The following LGALS3 variants were observed in gnomAD, a reference collection of about 807,000 sequenced individuals.
LGALS3 encodes the protein galectin 3.
In LGALS3, 18 loss-of-function variants were observed where a neutral mutation model predicts 20.7. The observed-to-expected ratio is 0.87, with a 90% CI of 0.60 to 1.29. The LOEUF is 1.29. Among genes scored for constraint, LGALS3 ranks in the 50% most tolerant of loss-of-function variants. LGALS3 has a pLI of 0.00. For missense variants in LGALS3, 315 were observed against 314.7 expected (o/e 1.00, Z -0.01); for synonymous variants, 112 against 119.6 (o/e 0.94, Z 0.42).
chr14:55,136,026 C>T (rs1881385804), intron 1 of LGALS3, among the ~76,000 whole-genome samples: 1 of 152,144 alleles, frequency 6.6e-6, no homozygotes, highest in Non-Finnish European at 1.5e-5. Flanking sequence ...CACAGGTGAT[C>T]CTGAGCTTAG....
intron 1 of LGALS3, among the ~76,000 whole-genome samples, chr14:55,133,088 A>G (rs1881278355): frequency 6.6e-6 from 1 of 152,190 alleles, no homozygotes; most frequent in Admixed American, 6.5e-5. Flanking sequence ...TTTGTTTACA[A>G]TTTCAGTATG....
Position 55,142,714 on chromosome 14 carries a change from T to A in LGALS3, c.562T>A (p.Ser188Thr). 6.2e-7 allele frequency: 1 copy of A among 1,613,808 alleles called. No individual in the cohort carries two copies. Among genetic ancestry groups the A allele is most frequent in the Non-Finnish European group, 8.5e-7 (1 of 1,179,740 alleles). ...DNNWGREERQ[S>T]VFPFESGKPF... ...TAACTGGGGAAGGGAAGAAAGACAGTCGGTTTTCCCATTTGAAAGTGGGAA... is the reference window on the plus strand; with the variant it reads ...TAACTGGGGAAGGGAAGAAAGACAGACGGTTTTCCCATTTGAAAGTGGGAA... The change falls in exon 5 of 6, where the codon TCG becomes ACG. Residue 188 changes from serine (S) to threonine (T), a missense_variant. Coordinates refer to ENST00000254301, the MANE Select transcript of LGALS3 (RefSeq NM_002306.4).
chr14:55,139,633 T>C (rs1266494542), intron 3 of LGALS3, among the ~76,000 whole-genome samples: 3 of 151,860 alleles, frequency 2.0e-5, no homozygotes, highest in Non-Finnish European at 2.9e-5. Context: ...TGAGACCTTG[T>C]CTCAAAAAAT....
intron 5 of LGALS3, chr14:55,143,437 T>TC: frequency 5.1e-6 from 2 of 391,266 alleles, no homozygotes; most frequent in Non-Finnish European, 1.0e-5. Context: ...TTTTTTTTTT[T>TC]TTCGAGACAG....
intron 1 of LGALS3, 44 bp from the exon 2 acceptor site, chr14:55,137,326 G>A: frequency 1.3e-6 from 2 of 1,571,500 alleles, no homozygotes; most frequent in Non-Finnish European, 1.8e-6. Context: ...AATGGAAATT[G>A]GTGAAAGCTT....
intron 1 of LGALS3, among the ~76,000 whole-genome samples, chr14:55,136,051 T>A (rs1479096209): frequency 2.6e-5 from 4 of 152,148 alleles, no homozygotes; most frequent in Non-Finnish European, 4.4e-5. Context: ...AACTCACCCA[T>A]GCCTCAGGGG....
chr14:55,138,152 T>C lies in LGALS3; in HGVS notation c.126T>C (p.Pro42=), dbSNP rs1881475557. ...GAGGYPGASY[P]GAYPGQAPPG... ...GGGGCTACCCAGGGGCTTCCTATCC[T>C]GGGGCCTACCCCGGGCAGGCACCCC... Residue 42 remains proline, a synonymous_variant, in exon 3 of 6, where the codon CCT becomes CCC. Coordinates refer to ENST00000254301, the MANE Select transcript of LGALS3 (RefSeq NM_002306.4). 1 of 1,597,356 alleles carries C rather than the reference T, an allele frequency of 6.3e-7. No homozygotes were observed. The highest frequency in any genetic ancestry group is 8.5e-7 in the Non-Finnish European group (1 of 1,173,954).
At chr14:55,141,983 A>C (rs1349272651) in intron 4 of LGALS3, among the ~76,000 whole-genome samples, 1 of 152,244 alleles carries the variant, frequency 6.6e-6, no homozygotes, top group Non-Finnish European at 1.5e-5. Context: ...CTAAACTAGC[A>C]ATTTCATTGG....
At chr14:55,142,838 T>G (rs918742950) in intron 5 of LGALS3, 89 bp downstream of exon 5, 24 of 1,032,348 alleles carry the variant, frequency 2.3e-5, no homozygotes, top group Non-Finnish European at 3.1e-5. Flanking sequence ...GTGAGAGTTT[T>G]TATCACCTCT....
intron 5 of LGALS3, among the ~76,000 whole-genome samples, chr14:55,144,135 C>T (rs908540579): frequency 2.6e-5 from 4 of 152,030 alleles, no homozygotes; most frequent in African/African-American, 4.8e-5. Context: ...TGTTTTAGAC[C>T]ATATCAGAAC....
chr14:55,130,826 G>C (rs896337543), intron 1 of LGALS3, among the ~76,000 whole-genome samples: 2 of 151,522 alleles, frequency 1.3e-5, no homozygotes, highest in East Asian at 1.9e-4. Context: ...CGCCTGCCTC[G>C]GCCTCCTAAA....
chr14:55,129,530 G>C lies in LGALS3; in HGVS notation c.-5+230G>C, dbSNP rs1026083647. Among the ~76,000 whole-genome samples the C allele has an allele frequency of 6.6e-6, 1 of 151,994 alleles. No homozygotes were observed. Among genetic ancestry groups the C allele is most frequent in the African/African-American group, 2.4e-5 (1 of 41,402 alleles). On this transcript the variant is annotated intron_variant, in intron 1 of 5. Coordinates refer to ENST00000254301, the MANE Select transcript of LGALS3 (RefSeq NM_002306.4). The surrounding 1 kb of genome is among the most constrained non-coding windows in gnomAD (Gnocchi z 5.3). ...TCGAGGGCGCTGGCGTTCGGGGAAG[G>C]TTGGCAGCACCTTACGAGACCCACA...
chr14:55,130,027 G>C (rs1881179845), intron 1 of LGALS3, among the ~76,000 whole-genome samples: 1 of 152,200 alleles, frequency 6.6e-6, no homozygotes, highest in African/African-American at 2.4e-5. Flanking sequence ...GGCCTGAGTG[G>C]GCATGACCCG....
intron 2 of LGALS3, 52 bp downstream of exon 2, chr14:55,137,443 G>C (rs1459840647): frequency 3.1e-6 from 5 of 1,614,020 alleles, no homozygotes; most frequent in Non-Finnish European, 3.4e-6. Flanking sequence ...CATGGTTGAG[G>C]GTTGGGGGTT....
chr14:55,130,356 A>G (rs1881189412), intron 1 of LGALS3, among the ~76,000 whole-genome samples: 1 of 152,136 alleles, frequency 6.6e-6, no homozygotes, highest in South Asian at 2.1e-4. Flanking sequence ...GAATGTTTGT[A>G]AAGTGACTCT....
intron 1 of LGALS3, among the ~76,000 whole-genome samples, chr14:55,133,777 A>G (rs1881301967): frequency 6.6e-6 from 1 of 152,220 alleles, no homozygotes; most frequent in Admixed American, 6.5e-5. Context: ...TAAACTAAAC[A>G]TGCTTGAGCA....
At position 55,138,320 on chromosome 14, in the gene LGALS3, C is replaced by T. The variant is rs78964872; in HGVS notation, c.294C>T (p.Thr98=). 1.8e-3 allele frequency: 2,849 copies of T among 1,612,398 alleles called. 57 individuals are homozygous for T. In the African/African-American group the frequency reaches 0.034, roughly 19 times the overall value. The change falls in exon 3 of 6, where the codon ACC becomes ACT. Residue 98 remains threonine, a synonymous_variant. Coordinates refer to ENST00000254301, the MANE Select transcript of LGALS3 (RefSeq NM_002306.4). Reference sequence around the variant, plus strand: ...CATCTTCTGGACAGCCAAGTGCCACCGGAGCCTACCCTGCCACTGGCCCCT... The same window carrying T: ...CATCTTCTGGACAGCCAAGTGCCACTGGAGCCTACCCTGCCACTGGCCCCT... ...AYPSSGQPSA[T]GAYPATGPYG...
rs1881161334 is a variant in LGALS3, at chr14:55,129,411, G to C, written c.-5+111G>C. 1 of 152,058 alleles carries C rather than the reference G, an allele frequency of 6.6e-6. No homozygotes were observed. Among genetic ancestry groups the C allele is most frequent in the Non-Finnish European group, 1.5e-5 (1 of 68,046 alleles). 9.4% of individuals were successfully genotyped at this position (152,058 alleles called of 1,614,324 possible). ...GGGTTCGGCTCCCCGGGACCGGGCC[G>C]GGGCGCGCGCGGAGAGCCCCACAGC... On this transcript the variant is annotated intron_variant, in intron 1 of 5. Transcript: ENST00000254301. This position sits in a 1 kb window ranked among gnomAD's most constrained non-coding sequence, Gnocchi z 5.3.
chr14:55,137,170 T>C (rs1881423530), intron 1 of LGALS3, 200 bp from the exon 2 acceptor site: 9 of 639,720 alleles, frequency 1.4e-5, no homozygotes, highest in Admixed American at 2.5e-5. Context: ...AGTTTAAACT[T>C]GTGAGTTAAA....
Sources: gnomAD v4.1 joint callset for allele counts (sites outside exome capture counted in the v4.1 genomes callset) on GRCh38, gnomAD v4.1.1 for gene constraint, Gnocchi (gnomAD v3.1) non-coding constraint, MANE v1.5 for transcripts, NCBI Gene and HGNC (gene_info 2026-07-23, HGNC 2026-07-21) for gene names.